Variants in DPY19L4 observed in about 807,000 individuals in gnomAD.
DPY19L4 encodes dpy-19 like 4.
DPY19L4 carries 97 observed loss-of-function variants against 102.8 expected under a neutral mutation model. The observed-to-expected ratio is 0.94, with a 90% CI of 0.80 to 1.12. The LOEUF is 1.12. DPY19L4 is among the 50% of genes most tolerant of loss of function. The probability of loss-of-function intolerance (pLI) is 0.00; values close to 1 mark genes in which losing one functional copy is unlikely to be tolerated. For synonymous variants in DPY19L4, 252 were observed against 283.1 expected, an observed-to-expected ratio of 0.89 and a Z score of 1.10; for missense variants, 815 against 850.4, an observed-to-expected ratio of 0.96 and a Z score of 0.52.
chr8:94,775,769 C>T (rs938583162), intron 13 of DPY19L4, among the ~76,000 whole-genome samples: 2 of 152,060 alleles, frequency 1.3e-5, no homozygotes, highest in African/African-American at 4.8e-5. Context: ...TGGTTGTTCT[C>T]CTTAGTATTT....
chr8:94,752,535 G>A (rs1488568179), intron 6 of DPY19L4, among the ~76,000 whole-genome samples: 4 of 138,096 alleles, frequency 2.9e-5, no homozygotes, highest in Admixed American at 7.7e-5. Context: ...GCAGTGAGCC[G>A]AGATTGTGTC....
chr8:94,752,311 G>A (rs1267438617), intron 6 of DPY19L4, among the ~76,000 whole-genome samples: 2 of 152,024 alleles, frequency 1.3e-5, no homozygotes, highest in Admixed American at 6.6e-5. Context: ...ATTGCTGGGG[G>A]CAGGGTCTCA....
chr8:94,721,571 TAATTGCA>T (rs1355190571), intron 1 of DPY19L4, among the ~76,000 whole-genome samples: 1 of 152,254 alleles, frequency 6.6e-6, no homozygotes, highest in Non-Finnish European at 1.5e-5. Context: ...TTTTCTTTTC[TAATTGCA>T]AATTTATGGG....
At chr8:94,725,314 A>G (rs1810639480) in intron 1 of DPY19L4, among the ~76,000 whole-genome samples, 1 of 152,244 alleles carries the variant, frequency 6.6e-6, no homozygotes, top group South Asian at 2.1e-4. Flanking sequence ...ATCATAATCT[A>G]TCCCACAAGA....
At chr8:94,745,236 TA>T (rs1382894664) in intron 6 of DPY19L4, among the ~76,000 whole-genome samples, 1 of 152,086 alleles carries the variant, frequency 6.6e-6, no homozygotes, top group African/African-American at 2.4e-5. Context: ...ATTGTACAGA[TA>T]GGGGGAAAAA....
In DPY19L4 at chr8:94,760,277, G is replaced by C. The variant is rs969384390; in HGVS notation, c.736-1423G>C. Among the ~76,000 whole-genome samples, 52 of 152,166 alleles carry C rather than the reference G, an allele frequency of 3.4e-4. 1 individual carries two copies. Among genetic ancestry groups the C allele is most frequent in the Admixed American group, 3.1e-3 (47 of 15,264 alleles). On this transcript the variant is annotated intron_variant, in intron 7 of 18. Coordinates refer to ENST00000414645, the MANE Select transcript of DPY19L4 (RefSeq NM_181787.3). ...CTCCAAATGCCCAGTACATTAATTAGGCTGGGTCTAGATTTGAGCCTTCAT... is the reference window on the plus strand; with the variant it reads ...CTCCAAATGCCCAGTACATTAATTACGCTGGGTCTAGATTTGAGCCTTCAT...
intron 11 of DPY19L4, among the ~76,000 whole-genome samples, chr8:94,768,143 G>GAT (rs1208510019): frequency 6.6e-6 from 1 of 152,188 alleles, no homozygotes; most frequent in Admixed American, 6.5e-5. Flanking sequence ...TTGGGCTTTA[G>GAT]AGATGGTCAC....
chr8:94,778,095 C>T (rs1262798975), intron 14 of DPY19L4, among the ~76,000 whole-genome samples: 1 of 151,920 alleles, frequency 6.6e-6, no homozygotes, highest in Non-Finnish European at 1.5e-5. Flanking sequence ...ATTAGCTGGG[C>T]ATGGTGGCGC....
chr8:94,768,950 T>C (rs1473921399), intron 12 of DPY19L4, among the ~76,000 whole-genome samples: 1 of 147,778 alleles, frequency 6.8e-6, no homozygotes, highest in East Asian at 2.1e-4. Flanking sequence ...GAGGCAGAGG[T>C]TGTGAGCCGA....
Position 94,766,644 on chromosome 8 carries a change from G to A in DPY19L4, c.1134G>A (p.Met378Ile), listed in dbSNP as rs1812686473. 3 of 1,613,882 alleles carry A rather than the reference G, an allele frequency of 1.9e-6. No individual in the cohort carries two copies. The highest frequency in any genetic ancestry group is 1.3e-5 in the African/African-American group (1 of 75,018). ...MFVPHKENGH[M>I]LKFLEVKFGL... is the part of the protein sequence containing the mutation. The stretch of plus-strand genomic sequence containing the variant: ...TCCCACACAAAGAAAATGGGCACAT[G>A]CTGAAATTCCTTGAAGTAAAATTTG... The change falls in exon 11 of 19, where the codon ATG (methionine) becomes ATA (isoleucine). Residue 378 changes from methionine to isoleucine, a missense_variant. Physicochemically the swap from Met to Ile is conservative, Grantham distance 10. Coordinates refer to ENST00000414645, the MANE Select transcript of DPY19L4 (RefSeq NM_181787.3).
chr8:94,787,176 A>G (rs1813692909), intron 17 of DPY19L4, among the ~76,000 whole-genome samples: 1 of 152,184 alleles, frequency 6.6e-6, no homozygotes, highest in Non-Finnish European at 1.5e-5. Context: ...TTACAATCGC[A>G]TAGAAGTGGT....
chr8:94,730,528 C>A (rs1279722995), intron 2 of DPY19L4, among the ~76,000 whole-genome samples: 1 of 151,498 alleles, frequency 6.6e-6, no homozygotes, highest in African/African-American at 2.4e-5. Context: ...GGGGGATCAC[C>A]TGAGGTCGGG....
At chr8:94,770,665 A>T (rs996501548) in intron 13 of DPY19L4, 94 bp downstream of exon 13, 6 of 1,543,088 alleles carry the variant, frequency 3.9e-6, no homozygotes, top group Non-Finnish European at 5.3e-6. Flanking sequence ...TGGGAGGCCA[A>T]GGCGGGTGGC....
chr8:94,728,984 C>T (rs1334957963), intron 2 of DPY19L4, among the ~76,000 whole-genome samples: 1 of 150,410 alleles, frequency 6.6e-6, no homozygotes. Context: ...AGTTCAGGAC[C>T]GTCCTGGACA....
intron 6 of DPY19L4, chr8:94,744,444 T>C (rs1181951205): frequency 6.6e-6 from 3 of 456,716 alleles, no homozygotes; most frequent in East Asian, 6.9e-5. Context: ...TATAACCTCA[T>C]CTTAGAAATG....
rs373678554 is a variant in DPY19L4, at chr8:94,768,533, A to T, written c.1314A>T (p.Gln438His). Reference protein sequence around the residue: ...VLIICFLSMLQVIFRRINGKS... With the variant: ...VLIICFLSMLHVIFRRINGKS... ...TTATTTGTTTTCTTTCTATGTTGCA[A>T]GTTATTTTTAGGAGGATTAAGTAAG... Residue 438 changes from glutamine (Q) to histidine (H), a missense_variant, in exon 12 of 19, where the codon CAA becomes CAT. Coordinates refer to ENST00000414645, the MANE Select transcript of DPY19L4 (RefSeq NM_181787.3). The T allele has an allele frequency of 1.2e-5, 19 of 1,526,462 alleles. No individual in the cohort carries two copies. In the African/African-American group the frequency reaches 2.2e-4, roughly 18 times the overall value. The allele number at this position is 1,526,462 out of a possible 1,614,324, so 94.6% of individuals were successfully genotyped here.
intron 6 of DPY19L4, chr8:94,744,455 A>G (rs1370071113): frequency 2.2e-6 from 1 of 456,742 alleles, no homozygotes; most frequent in South Asian, 1.5e-5. Flanking sequence ...CTTAGAAATG[A>G]TATAACATCA....
chr8:94,766,328 T>A (rs1409071442), intron 10 of DPY19L4, among the ~76,000 whole-genome samples: 1 of 152,188 alleles, frequency 6.6e-6, no homozygotes, highest in East Asian at 1.9e-4. Flanking sequence ...TGAGCCAAGA[T>A]CGTGCCATTG....
chr8:94,737,096 A>T (rs1405257509), intron 3 of DPY19L4, among the ~76,000 whole-genome samples: 1 of 152,222 alleles, frequency 6.6e-6, no homozygotes, highest in Non-Finnish European at 1.5e-5. Context: ...GAAAATTCAA[A>T]CATGTCTTTG....
Sources: allele counts gnomAD v4.1 joint callset (sites outside exome capture counted in the v4.1 genomes callset), GRCh38; gene constraint gnomAD v4.1.1; transcripts MANE v1.5; gene names NCBI Gene and HGNC (gene_info 2026-07-23, HGNC 2026-07-21).